COL26A1: variants seen among roughly 807,000 people sequenced by gnomAD.
The protein encoded by COL26A1 is collagen type XXVI alpha 1 chain, also known as collagen alpha-1(XXVI) chain.
A neutral mutation model predicts 59.3 loss-of-function variants in COL26A1; 41 were observed. That is an observed-to-expected ratio of 0.69 (90% CI 0.54 to 0.90). The LOEUF is 0.90. COL26A1 is among the 40% of genes least tolerant of loss of function. The probability of loss-of-function intolerance (pLI) is 0.00; values close to 1 mark genes in which losing one functional copy is unlikely to be tolerated. For missense variants in COL26A1, 612 were observed against 602.3 expected (o/e 1.02, Z -0.17); for synonymous variants, 266 against 256.0 (o/e 1.04, Z -0.37).
intron 3 of COL26A1, among the ~76,000 whole-genome samples, chr7:101,468,169 G>A (rs1282926216): frequency 6.6e-6 from 1 of 151,902 alleles, no homozygotes; most frequent in African/African-American, 2.4e-5. Context: ...CGGGCATGGT[G>A]GTGCACGCCT....
intron 3 of COL26A1, among the ~76,000 whole-genome samples, chr7:101,493,376 G>A (rs1221170788): frequency 2.0e-5 from 3 of 152,008 alleles, no homozygotes; most frequent in African/African-American, 4.8e-5. Flanking sequence ...GCTCAGCTCA[G>A]AAGTCCCCGC....
chr7:101,375,653 A>C (rs1282006786), intron 1 of COL26A1, among the ~76,000 whole-genome samples: 1 of 151,494 alleles, frequency 6.6e-6, no homozygotes, highest in Non-Finnish European at 1.5e-5. Context: ...CAGCCTGGGC[A>C]ACATAGCAAG....
At chr7:101,518,334 C>T (rs1429014202) in intron 3 of COL26A1, among the ~76,000 whole-genome samples, 2 of 152,186 alleles carry the variant, frequency 1.3e-5, no homozygotes, top group Non-Finnish European at 2.9e-5. Flanking sequence ...GAGTGCCTGG[C>T]AGTGTCAGGC....
intron 3 of COL26A1, among the ~76,000 whole-genome samples, chr7:101,476,204 G>T (rs1483150622): frequency 6.6e-6 from 1 of 151,286 alleles, no homozygotes; most frequent in Non-Finnish European, 1.5e-5. Flanking sequence ...CACTATCTTG[G>T]CCAGGCTGGT....
At chr7:101,480,920 C>T (rs527445761) in intron 3 of COL26A1, among the ~76,000 whole-genome samples, 214 of 152,188 alleles carry the variant, frequency 1.4e-3, no homozygotes, top group Middle Eastern at 0.01. Flanking sequence ...ACAAGCAGTC[C>T]GGATTGTGGA....
intron 3 of COL26A1, among the ~76,000 whole-genome samples, chr7:101,491,771 A>C (rs1584458750): frequency 6.6e-6 from 1 of 152,100 alleles, no homozygotes; most frequent in Admixed American, 6.6e-5. Context: ...CTTTACTGCA[A>C]ACTGTTTTAT....
In COL26A1 at chr7:101,431,624, GT is replaced by G. The variant is rs201412770; in HGVS notation, c.281+11535del. 8.2e-4 allele frequency among the ~76,000 whole-genome samples: 122 copies of G among 149,496 alleles called. 2 individuals carry two copies. The highest frequency in any genetic ancestry group is 2.7e-3 in the African/African-American group (112 of 41,002). ...TTTTCCTCTTACTATTTTTCTGAGAGTTTTTTTTTTAATTATGGGTGTTGAA... is the reference window on the plus strand; with the variant it reads ...TTTTCCTCTTACTATTTTTCTGAGAGTTTTTTTTTAATTATGGGTGTTGAA... On this transcript the variant is annotated intron_variant, in intron 2 of 12. Transcript: ENST00000313669.
At chr7:101,454,853 T>C (rs960465598) in intron 3 of COL26A1, among the ~76,000 whole-genome samples, 1 of 152,122 alleles carries the variant, frequency 6.6e-6, no homozygotes, top group African/African-American at 2.4e-5. Context: ...TATGTATTAA[T>C]GGGTTGATGA....
At chr7:101,381,530 G>A (rs924421416) in intron 1 of COL26A1, among the ~76,000 whole-genome samples, 1 of 152,162 alleles carries the variant, frequency 6.6e-6, no homozygotes, top group Non-Finnish European at 1.5e-5. Flanking sequence ...TGGAGGCTGG[G>A]AAGTCCAAAA....
intron 3 of COL26A1, among the ~76,000 whole-genome samples, chr7:101,457,289 C>T (rs1212522037): frequency 6.6e-6 from 1 of 152,112 alleles, no homozygotes; most frequent in African/African-American, 2.4e-5. Flanking sequence ...TAGGTTCTAC[C>T]ATAGTTATCT....
intron 1 of COL26A1, among the ~76,000 whole-genome samples, chr7:101,385,353 G>A (rs1371007028): frequency 7.6e-6 from 1 of 131,094 alleles, no homozygotes; most frequent in Admixed American, 7.6e-5. Flanking sequence ...ATATATATGT[G>A]TATATATATG....
chr7:101,402,821 C>A (rs1368929848), intron 1 of COL26A1, among the ~76,000 whole-genome samples: 3 of 148,630 alleles, frequency 2.0e-5, no homozygotes, highest in Non-Finnish European at 4.5e-5. Flanking sequence ...CCTCCCCTCC[C>A]CTTTCCTTTT....
intron 1 of COL26A1, among the ~76,000 whole-genome samples, chr7:101,399,057 C>A (rs771982655): frequency 1.3e-5 from 2 of 152,084 alleles, no homozygotes; most frequent in Non-Finnish European, 2.9e-5. Context: ...GTAATCCCAG[C>A]ACTTAGGGAG....
intron 1 of COL26A1, among the ~76,000 whole-genome samples, chr7:101,404,034 C>T (rs538166737): frequency 6.6e-6 from 1 of 152,142 alleles, no homozygotes; most frequent in Non-Finnish European, 1.5e-5. Context: ...GTGGATGTTG[C>T]AGTGAGCCAA....
At chr7:101,497,595 G>T (rs1247429082) in intron 3 of COL26A1, among the ~76,000 whole-genome samples, 1 of 152,020 alleles carries the variant, frequency 6.6e-6, no homozygotes, top group Non-Finnish European at 1.5e-5. Context: ...AAGATTACTT[G>T]AGCTCAGGAG....
intron 3 of COL26A1, among the ~76,000 whole-genome samples, chr7:101,510,941 C>T (rs1794910142): frequency 6.9e-6 from 1 of 145,606 alleles, no homozygotes; most frequent in Non-Finnish European, 1.5e-5. Flanking sequence ...CGCTCTGTCG[C>T]CCAGGCTGGA....
At chr7:101,439,468 C>G (rs1792995691) in intron 2 of COL26A1, among the ~76,000 whole-genome samples, 1 of 149,490 alleles carries the variant, frequency 6.7e-6, no homozygotes, top group Non-Finnish European at 1.5e-5. Context: ...GCAGGAGAAT[C>G]ACTTGAACCC....
intron 3 of COL26A1, among the ~76,000 whole-genome samples, chr7:101,460,508 C>T (rs1001143378): frequency 6.6e-6 from 1 of 152,080 alleles, no homozygotes; most frequent in Non-Finnish European, 1.5e-5. Context: ...TCAGGCCAGG[C>T]GCGGTGGCTC....
intron 1 of COL26A1, among the ~76,000 whole-genome samples, chr7:101,383,767 T>G (rs1791502800): frequency 6.6e-6 from 1 of 152,184 alleles, no homozygotes; most frequent in Non-Finnish European, 1.5e-5. Flanking sequence ...ACTCCTGACC[T>G]CACGTGATCC....
Sources: allele counts gnomAD v4.1 joint callset (sites outside exome capture counted in the v4.1 genomes callset), GRCh38; gene constraint gnomAD v4.1.1; transcripts MANE v1.5; gene names NCBI Gene and HGNC (gene_info 2026-07-23, HGNC 2026-07-21).